Variants in PTPRD observed in about 807,000 individuals in gnomAD.
PTPRD encodes the protein receptor-type tyrosine-protein phosphatase delta.
Under a neutral mutation model 214.5 loss-of-function variants are expected in PTPRD, and 34 were observed. That is an observed-to-expected ratio of 0.16 (90% CI 0.12 to 0.21). PTPRD has a LOEUF of 0.21. PTPRD is among the 10% of genes least tolerant of loss of function. PTPRD has a pLI of 1.00. For missense variants in PTPRD, 2,545 were observed against 2,398.7 expected, an observed-to-expected ratio of 1.06 and a Z score of -1.27; for synonymous variants, 1,128 against 845.7, an observed-to-expected ratio of 1.33 and a Z score of -5.79.
At chr9:9,669,234 C>T (rs987534676) in intron 7 of PTPRD, among the ~76,000 whole-genome samples, 3 of 152,086 alleles carry the variant, frequency 2.0e-5, no homozygotes, top group African/African-American at 7.2e-5. Context: ...AGAGCAAAGA[C>T]TTGGAACAAA....
intron 6 of PTPRD, among the ~76,000 whole-genome samples, chr9:9,737,275 T>G (rs929358416): frequency 2.0e-5 from 3 of 152,174 alleles, no homozygotes; most frequent in Non-Finnish European, 4.4e-5. Flanking sequence ...TTACACAATA[T>G]GCCTAATAAT....
At chr9:10,181,526 A>C (rs1443113330) in intron 3 of PTPRD, among the ~76,000 whole-genome samples, 1 of 152,124 alleles carries the variant, frequency 6.6e-6, no homozygotes, top group Non-Finnish European at 1.5e-5. Context: ...GAGACTTCAC[A>C]AACACTAACT....
intron 36 of PTPRD, 86 bp downstream of exon 36, chr9:8,404,451 G>C (rs2092766437): frequency 1.3e-6 from 2 of 1,500,712 alleles, no homozygotes; most frequent in African/African-American, 1.4e-5. Flanking sequence ...TTCAGAGATG[G>C]TTAATAACCT....
chr9:9,060,185 G>C (rs539533599), intron 10 of PTPRD, among the ~76,000 whole-genome samples: 1 of 152,254 alleles, frequency 6.6e-6, no homozygotes, highest in East Asian at 1.9e-4. Flanking sequence ...AACTAAAACT[G>C]ACATTGGTTT....
rs148313527 is a variant in PTPRD, at chr9:10,557,568, C to T, written c.-600+54830G>A. On this transcript the variant is annotated intron_variant, in intron 2 of 45. Transcript: ENST00000381196. ...ACTGCTGCTCTGCTATCACTGTCCC[C>T]AAATCTCCAAACCTGTACAGTTTCA... 3.9e-5 allele frequency among the ~76,000 whole-genome samples: 6 copies of T among 152,246 alleles called. No homozygotes were observed. The East Asian group carries it at 1.2e-3, about 29-fold the overall frequency.
At chr9:8,516,088 T>C (rs2138277920) in intron 21 of PTPRD, among the ~76,000 whole-genome samples, 1 of 152,296 alleles carries the variant, frequency 6.6e-6, no homozygotes, top group East Asian at 1.9e-4. Context: ...CCCATATAAT[T>C]TCTTAGAATT....
intron 4 of PTPRD, among the ~76,000 whole-genome samples, chr9:9,941,005 G>C (rs967820032): frequency 6.7e-6 from 1 of 150,014 alleles, no homozygotes; most frequent in Non-Finnish European, 1.5e-5. Context: ...GGCCACACCA[G>C]AAAAAAAAAG....
At chr9:9,923,848 T>G (rs976755730) in intron 5 of PTPRD, among the ~76,000 whole-genome samples, 5 of 151,594 alleles carry the variant, frequency 3.3e-5, no homozygotes, top group Admixed American at 2.0e-4. Context: ...TCAAGGAGAA[T>G]GAAGTGCGAT....
At position 10,071,125 on chromosome 9, in the gene PTPRD, A is replaced by T. The variant is rs547541855; in HGVS notation, c.-544-37335T>A. On this transcript the variant is annotated intron_variant, in intron 3 of 45. Coordinates refer to ENST00000381196, the MANE Select transcript of PTPRD (RefSeq NM_002839.4). ...GAAAGAAATCAAAGAAAATCTAAAT[A>T]CATGGAGAGAGATTTCATGATTACA... 9.2e-5 allele frequency among the ~76,000 whole-genome samples: 14 copies of T among 152,246 alleles called. No homozygotes were observed. The East Asian group carries it at 2.7e-3, about 29-fold the overall frequency.
chr9:9,058,638 A>T (rs1331488141), intron 10 of PTPRD, among the ~76,000 whole-genome samples: 8 of 150,604 alleles, frequency 5.3e-5, no homozygotes, highest in African/African-American at 1.9e-4. Flanking sequence ...TTTAGTAGAG[A>T]CGGGGTTTCA....
At chr9:8,414,927 G>T (rs1295399448) in intron 35 of PTPRD, among the ~76,000 whole-genome samples, 1 of 66,000 alleles carries the variant, frequency 1.5e-5, no homozygotes, top group East Asian at 6.3e-4. Flanking sequence ...GAGAGAGGGA[G>T]GGGGAGAGAG....
At chr9:9,179,259 C>A (rs2099926703) in intron 10 of PTPRD, among the ~76,000 whole-genome samples, 1 of 152,070 alleles carries the variant, frequency 6.6e-6, no homozygotes, top group Non-Finnish European at 1.5e-5. Context: ...AGCATTTAAT[C>A]AAATGTTATT....
chr9:9,004,820 T>C (rs559819195), intron 11 of PTPRD, among the ~76,000 whole-genome samples: 1 of 152,114 alleles, frequency 6.6e-6, no homozygotes, highest in African/African-American at 2.4e-5. Flanking sequence ...CACTGAGCCA[T>C]AGCTCAGATT....
intron 9 of PTPRD, among the ~76,000 whole-genome samples, chr9:9,346,378 A>T (rs2048805479): frequency 6.6e-6 from 1 of 152,202 alleles, no homozygotes; most frequent in African/African-American, 2.4e-5. Flanking sequence ...AAGAAAAAGT[A>T]ACCAAAAATT....
chr9:9,870,883 C>T (rs910465217), intron 5 of PTPRD, among the ~76,000 whole-genome samples: 8 of 152,024 alleles, frequency 5.3e-5, no homozygotes, highest in African/African-American at 1.2e-4. Context: ...GGGATATATA[C>T]GTGTTATAAC....
At chr9:9,109,520 T>A (rs747626154) in intron 10 of PTPRD, among the ~76,000 whole-genome samples, 11 of 152,076 alleles carry the variant, frequency 7.2e-5, no homozygotes, top group Non-Finnish European at 1.5e-4. Context: ...ACCCAAAGCA[T>A]TTAGTGGCAA....
chr9:8,421,067 CA>C (rs550458982), intron 35 of PTPRD, among the ~76,000 whole-genome samples: 202 of 152,144 alleles, frequency 1.3e-3, no homozygotes, highest in Middle Eastern at 0.01. Flanking sequence ...CCTCCGTCTC[CA>C]AAAGACTTCT....
intron 5 of PTPRD, among the ~76,000 whole-genome samples, chr9:9,827,984 C>T (rs931790494): frequency 1.3e-5 from 2 of 151,988 alleles, no homozygotes; most frequent in African/African-American, 2.4e-5. Context: ...GAATGGCGAT[C>T]GTTAAAAAGT....
chr9:9,220,463 T>C (rs1394793719), intron 9 of PTPRD, among the ~76,000 whole-genome samples: 1 of 152,072 alleles, frequency 6.6e-6, no homozygotes, highest in Admixed American at 6.6e-5. Context: ...TTGATAACCT[T>C]GTTTTAATTT....
Sources: gnomAD v4.1 joint callset for allele counts (sites outside exome capture counted in the v4.1 genomes callset) on GRCh38, gnomAD v4.1.1 for gene constraint, MANE v1.5 for transcripts, NCBI Gene and HGNC (gene_info 2026-07-23, HGNC 2026-07-21) for gene names.